Variants in TAF15 observed in about 807,000 individuals in gnomAD.
TAF15 encodes the protein TATA-binding protein-associated factor 2N.
A neutral mutation model predicts 102.5 loss-of-function variants in TAF15; 37 were observed. That is an observed-to-expected ratio of 0.36 (90% CI 0.28 to 0.47). The LOEUF is 0.47. TAF15 is among the 20% of genes least tolerant of loss of function. The pLI, the probability that TAF15 is intolerant of heterozygous loss-of-function variation, is 0.99. For missense variants in TAF15, 652 were observed against 760.7 expected (o/e 0.86, Z 1.68); for synonymous variants, 273 against 259.2 (o/e 1.05, Z -0.51).
chr17:35,823,701 G>A, intron 6 of TAF15: 1 of 262,582 alleles, frequency 3.8e-6, no homozygotes, highest in South Asian at 3.1e-5. Context: ...CGAGACTCTT[G>A]TCTCCAAAAA....
At chr17:35,846,235 G>A (rs943901749) in intron 15 of TAF15, among the ~76,000 whole-genome samples, 13 of 152,200 alleles carry the variant, frequency 8.5e-5, no homozygotes, top group African/African-American at 2.9e-4. Context: ...GTGATCTTAG[G>A]AAAGTTACTT....
intron 13 of TAF15, 51 bp from the exon 14 acceptor site, chr17:35,844,229 C>T: frequency 6.2e-7 from 1 of 1,611,312 alleles, no homozygotes; most frequent in Non-Finnish European, 8.5e-7. Context: ...GAAAGGGGTT[C>T]TGAGTCCATT....
Position 35,842,349 on chromosome 17 carries a change from TG to T in TAF15, c.914-17del. 1 of 1,600,526 alleles carries T rather than the reference TG, an allele frequency of 6.2e-7. No homozygotes were observed. The highest frequency in any genetic ancestry group is 8.6e-7 in the Non-Finnish European group (1 of 1,167,990). The stretch of plus-strand genomic sequence containing the variant: ...GTATAGAGTAGCATTGCTTCAAAGC[TG>T]ATTTCTTTTTTCTTAGGAAAAGAAT... On this transcript the variant is annotated splice_polypyrimidine_tract_variant and intron_variant, in intron 11 of 15. Transcript: ENST00000605844.
intron 1 of TAF15, 56 bp from the exon 2 acceptor site, chr17:35,817,660 C>A: frequency 6.6e-7 from 1 of 1,507,224 alleles, no homozygotes; most frequent in Non-Finnish European, 9.2e-7. Flanking sequence ...CTAAAGTCAG[C>A]CTTTGAAGGA....
chr17:35,843,335 G>T (rs2087570664), intron 12 of TAF15, among the ~76,000 whole-genome samples: 1 of 152,092 alleles, frequency 6.6e-6, no homozygotes, highest in Non-Finnish European at 1.5e-5. Flanking sequence ...TGTTGGTCAG[G>T]CTGGTCTCGA....
Position 35,844,815 on chromosome 17 carries a change from G to A in TAF15, c.1516G>A (p.Gly506Arg). ...CCGAGGAGGCTATGGAGGAGATCGA[G>A]GAGGTTACGGAGGAGATCGAGGAGG... ...GDRGGYGGDR[G>R]GYGGDRGGYG... Residue 506 changes from glycine to arginine, a missense_variant, in exon 15 of 16, where the codon GGA becomes AGA. By Grantham distance (125) the Gly-to-Arg change is moderately radical. Coordinates refer to ENST00000605844, the MANE Select transcript of TAF15 (RefSeq NM_139215.3). 1 of 1,597,594 alleles carries A rather than the reference G, an allele frequency of 6.3e-7. No individual in the cohort carries two copies. Among genetic ancestry groups the A allele is most frequent in the Middle Eastern group, 1.7e-4 (1 of 5,894 alleles).
In TAF15 at chr17:35,829,319, TTTA is replaced by T. The variant is rs573138496; in HGVS notation, c.606-4582_606-4580del. ...GATATAGTTAGGTTTTTATTTTATT[TTTA>T]TTATTTTTTTTTTTATTAAAAGATT... On this transcript the variant is annotated intron_variant, in intron 7 of 15. Transcript: ENST00000605844. 1.2e-3 allele frequency among the ~76,000 whole-genome samples: 175 copies of T among 151,446 alleles called. 1 individual carries two copies. Among genetic ancestry groups the T allele is most frequent in the African/African-American group, 4.1e-3 (171 of 41,446 alleles).
At position 35,844,956 on chromosome 17, in the gene TAF15, A is replaced by C. The variant is rs2087605145; in HGVS notation, c.1657A>C (p.Arg553=). The part of the protein sequence containing the change: ...GDRSGGYGGD[R]SGGGYGGDRG... ...CCGAAGTGGAGGCTATGGAGGAGACAGGAGTGGTGGCGGCTATGGAGGAGA... is the reference window on the plus strand; with the variant it reads ...CCGAAGTGGAGGCTATGGAGGAGACCGGAGTGGTGGCGGCTATGGAGGAGA... The change falls in exon 15 of 16, where the codon AGG becomes CGG. Residue 553 remains arginine, a synonymous_variant. Coordinates refer to ENST00000605844, the MANE Select transcript of TAF15 (RefSeq NM_139215.3). 1 of 1,591,904 alleles carries C rather than the reference A, an allele frequency of 6.3e-7. No homozygotes were observed. The highest frequency in any genetic ancestry group is 1.1e-5 in the South Asian group (1 of 90,320).
Position 35,846,628 on chromosome 17 carries a change from G to A in TAF15, c.1740-278G>A, listed in dbSNP as rs559622743. ...CTCCTATTTAGAGTGCTGGAACTGG[G>A]ACAGTTTCTGATCTTCTGAAATATT... On this transcript the variant is annotated intron_variant, in intron 15 of 15. Transcript: ENST00000605844. 9.2e-5 allele frequency among the ~76,000 whole-genome samples: 14 copies of A among 152,322 alleles called. No homozygotes were observed. In the East Asian group the frequency reaches 2.5e-3, roughly 27 times the overall value.
rs4251783 is a variant in TAF15 at position 35,844,434 on chromosome 17, C to T, written c.1178-43C>T. The T allele has an allele frequency of 2.4e-4, 382 of 1,612,266 alleles. 3 individuals are homozygous for T. In the African/African-American group the frequency reaches 4.3e-3, roughly 18 times the overall value. ...TCTGACTAGCATTAAGGGGGCTTTA[C>T]GTTGTTTCTGCTGGCCTCATTGTTT... On this transcript the variant is annotated intron_variant, in intron 14 of 15. Transcript: ENST00000605844.
At chr17:35,818,826 AAAG>A (rs2087224985) in intron 2 of TAF15, 1 of 152,292 alleles carries the variant, frequency 6.6e-6, no homozygotes, top group African/African-American at 2.4e-5. Context: ...AAAAAAAAAA[AAAG>A]TTTAAGCAAT....
rs758498566 is a variant in TAF15 at position 35,836,252 on chromosome 17, ATAT to A, written c.783+15_783+17del. Reference sequence around the variant, plus strand: ...ATAGGAATTATCAAGGTGAGTAAAAATATTATATGTTGAAAATCTCATAATTAA... The same window carrying A: ...ATAGGAATTATCAAGGTGAGTAAAAATATATGTTGAAAATCTCATAATTAA... On this transcript the variant is annotated intron_variant, in intron 10 of 15. Coordinates refer to ENST00000605844, the MANE Select transcript of TAF15 (RefSeq NM_139215.3). 42 of 1,522,966 alleles carry A rather than the reference ATAT, an allele frequency of 2.8e-5. No individual in the cohort carries two copies. The highest frequency in any genetic ancestry group is 2.4e-4 in the South Asian group (21 of 89,064). The allele number at this position is 1,522,966 out of a possible 1,614,324, so 94.3% of individuals were successfully genotyped here. A position where few individuals can be genotyped will look rare whatever the true frequency, so the allele number is the denominator to read the frequency against.
intron 10 of TAF15, among the ~76,000 whole-genome samples, chr17:35,837,489 T>C (rs909688404): frequency 6.6e-6 from 1 of 151,320 alleles, no homozygotes; most frequent in Non-Finnish European, 1.5e-5. Flanking sequence ...AGTAAAATTC[T>C]CCCTTGTCTT....
chr17:35,840,861 G>A (rs1040158934), intron 11 of TAF15, among the ~76,000 whole-genome samples: 4 of 149,648 alleles, frequency 2.7e-5, no homozygotes, highest in African/African-American at 7.3e-5. Flanking sequence ...GCAAGACTCC[G>A]TCAAAAAAAA....
Position 35,846,125 on chromosome 17 carries a change from A to G in TAF15, c.1740-781A>G, listed in dbSNP as rs879334339. The stretch of plus-strand genomic sequence containing the variant: ...ACTAAGGACCTGTATGCCAGCGGCA[A>G]TATAAGGCAGTGAGAATTAGTATAG... On this transcript the variant is annotated intron_variant, in intron 15 of 15. Transcript: ENST00000605844. 3.9e-5 allele frequency among the ~76,000 whole-genome samples: 6 copies of G among 152,358 alleles called. No homozygotes were observed. The South Asian group carries it at 8.3e-4, about 21-fold the overall frequency.
intron 7 of TAF15, among the ~76,000 whole-genome samples, chr17:35,829,463 T>C (rs1330037686): frequency 3.3e-5 from 5 of 150,788 alleles, no homozygotes; most frequent in Non-Finnish European, 7.4e-5. Context: ...AAACTCCATC[T>C]CTACTAAAAA....
chr17:35,813,270 A>G (rs1873022552), intron 1 of TAF15, among the ~76,000 whole-genome samples: 1 of 152,084 alleles, frequency 6.6e-6, no homozygotes, highest in African/African-American at 2.4e-5. Flanking sequence ...GATATGATGG[A>G]TGTGACTTAT....
chr17:35,831,125 G>A (rs1474318797), intron 7 of TAF15, among the ~76,000 whole-genome samples: 2 of 152,170 alleles, frequency 1.3e-5, no homozygotes, highest in African/African-American at 2.4e-5. Context: ...GTTCAAGGCC[G>A]GGCGCAGTGA....
intron 9 of TAF15, among the ~76,000 whole-genome samples, chr17:35,835,147 GTGAAGAAATACT>G (rs1466443983): frequency 2.0e-5 from 3 of 152,086 alleles, no homozygotes; most frequent in African/African-American, 7.2e-5. Context: ...TCTTTCTTCC[GTGAAGAAATACT>G]TGAATTTTTA....
Sources: gnomAD v4.1 joint callset for allele counts (sites outside exome capture counted in the v4.1 genomes callset) on GRCh38, gnomAD v4.1.1 for gene constraint, MANE v1.5 for transcripts, NCBI Gene and HGNC (gene_info 2026-07-23, HGNC 2026-07-21) for gene names.